Variants in METTL4 observed in about 807,000 individuals in gnomAD.
The protein encoded by METTL4 is N(6)-adenine-specific methyltransferase METTL4.
A neutral mutation model predicts 54.0 loss-of-function variants in METTL4; 40 were observed. That is an observed-to-expected ratio of 0.74 (90% CI 0.58 to 0.96). METTL4 has a LOEUF of 0.96. METTL4 is among the 50% of genes least tolerant of loss of function. The pLI, the probability that METTL4 is intolerant of heterozygous loss-of-function variation, is 0.00. For synonymous variants in METTL4, 169 were observed against 183.8 expected, an observed-to-expected ratio of 0.92 and a Z score of 0.65; for missense variants, 525 against 549.0, an observed-to-expected ratio of 0.96 and a Z score of 0.44.
At chr18:2,557,605 C>T (rs548218912) in intron 3 of METTL4, among the ~76,000 whole-genome samples, 1 of 152,280 alleles carries the variant, frequency 6.6e-6, no homozygotes, top group Non-Finnish European at 1.5e-5. Context: ...GTTTGCAACC[C>T]ACTTAAAAGA....
chr18:2,543,146 C>T (rs1197313853), intron 8 of METTL4, among the ~76,000 whole-genome samples: 1 of 151,598 alleles, frequency 6.6e-6, no homozygotes, highest in Non-Finnish European at 1.5e-5. Context: ...AAAAAGGACC[C>T]TTCTCCATAA....
chr18:2,545,479 C>T (rs982679890), intron 6 of METTL4, among the ~76,000 whole-genome samples: 1 of 152,074 alleles, frequency 6.6e-6, no homozygotes, highest in Non-Finnish European at 1.5e-5. Flanking sequence ...AATACCTAGT[C>T]CAGAGACTGG....
rs778111954 is a variant in METTL4 at position 2,567,141 on chromosome 18, G to A, written c.76C>T (p.Leu26Phe). The change falls in exon 2 of 9, where the codon CTT becomes TTT. Residue 26 changes from leucine to phenylalanine, a missense_variant. Physicochemically the swap from Leu to Phe is conservative, Grantham distance 22. Coordinates refer to ENST00000574538, the MANE Select transcript of METTL4 (RefSeq NM_022840.5). Reference sequence around the variant, plus strand: ...CAACAAGGTTCATGATGCTGGTGAAGTTGATAGTTTATCTTGTTGATAAAA... The same window carrying A: ...CAACAAGGTTCATGATGCTGGTGAAATTGATAGTTTATCTTGTTGATAAAA... ...LSFINKINYQ[L>F]HQHHEPCCRK... The A allele has an allele frequency of 1.9e-6, 3 of 1,614,066 alleles. No individual in the cohort carries two copies. The Admixed American group carries it at 5.0e-5, about 27-fold the overall frequency.
At chr18:2,564,632 C>A (rs1216676265) in intron 2 of METTL4, among the ~76,000 whole-genome samples, 2 of 152,164 alleles carry the variant, frequency 1.3e-5, no homozygotes, top group African/African-American at 4.8e-5. Flanking sequence ...ATGGCTGAAA[C>A]TCCAGTGCTT....
intron 4 of METTL4, 67 bp downstream of exon 4, chr18:2,554,602 T>C: frequency 1.4e-6 from 2 of 1,438,540 alleles, no homozygotes; most frequent in Non-Finnish European, 1.9e-6. Context: ...AATTTCAGAC[T>C]AGCTCTTAAC....
chr18:2,555,093 G>C, intron 3 of METTL4, 55 bp from the exon 4 acceptor site: 1 of 1,519,860 alleles, frequency 6.6e-7, no homozygotes, highest in Non-Finnish European at 9.0e-7. Context: ...AAAGAACATT[G>C]ACTGTGCTTT....
chr18:2,556,664 A>G (rs1189983870), intron 3 of METTL4, among the ~76,000 whole-genome samples: 1 of 152,174 alleles, frequency 6.6e-6, no homozygotes, highest in Non-Finnish European at 1.5e-5. Flanking sequence ...TAAGGTATTT[A>G]TACTATATTC....
Position 2,567,535 on chromosome 18 carries a change from A to G in METTL4, c.-319T>C, listed in dbSNP as rs948171099. The G allele has an allele frequency of 1.6e-5, 3 of 185,006 alleles. No individual in the cohort carries two copies. The highest frequency in any genetic ancestry group is 3.4e-5 in the Non-Finnish European group (3 of 89,338). 11.5% of individuals were successfully genotyped at this position (185,006 alleles called of 1,614,324 possible). On this transcript the variant is annotated 5_prime_UTR_variant, in exon 2 of 9. Coordinates refer to ENST00000574538, the MANE Select transcript of METTL4 (RefSeq NM_022840.5). ...ACCTGATCTTATGTCTGGAATCCCA[A>G]TGTGATCCTCCTGTCTTCCTGGGCC...
intron 8 of METTL4, chr18:2,539,976 A>T (rs1293909518): frequency 4.1e-6 from 4 of 977,206 alleles, no homozygotes; most frequent in Non-Finnish European, 4.9e-6. Context: ...TAGCCCCCTT[A>T]GCAGTAAATT....
rs1014368781 is a variant in METTL4 at position 2,571,495 on chromosome 18, C to G, written c.-785G>C. 4 of 152,236 alleles carry G rather than the reference C, an allele frequency of 2.6e-5. No homozygotes were observed. The highest frequency in any genetic ancestry group is 4.4e-5 in the Non-Finnish European group (3 of 68,048). The allele number at this position is 152,236 out of a possible 1,614,324, so 9.4% of individuals were successfully genotyped here. A position where few individuals can be genotyped will look rare whatever the true frequency, so the allele number is the denominator to read the frequency against. The stretch of plus-strand genomic sequence containing the variant: ...AGCACGCAGCCTTCCAGCGACGAGG[C>G]GGTCGCATGGAAGTTACTGCGCGCG... On this transcript the variant is annotated 5_prime_UTR_variant, in exon 1 of 9. Coordinates refer to ENST00000574538, the MANE Select transcript of METTL4 (RefSeq NM_022840.5).
At chr18:2,549,748 G>A (rs955263340) in intron 5 of METTL4, among the ~76,000 whole-genome samples, 5 of 147,980 alleles carry the variant, frequency 3.4e-5, no homozygotes, top group East Asian at 2.0e-4. Flanking sequence ...TTGGGAGGCC[G>A]AGGCAAGTGT....
chr18:2,551,696 A>G (rs1009106752), intron 5 of METTL4, among the ~76,000 whole-genome samples: 4 of 152,030 alleles, frequency 2.6e-5, no homozygotes, highest in African/African-American at 9.7e-5. Context: ...ACCCTATCTC[A>G]AAATAAAAAA....
intron 3 of METTL4, among the ~76,000 whole-genome samples, chr18:2,556,984 G>C (rs1330010564): frequency 6.6e-6 from 1 of 152,166 alleles, no homozygotes; most frequent in Non-Finnish European, 1.5e-5. Flanking sequence ...ACAGTAGCAA[G>C]AGCTTTTAAA....
Position 2,538,305 on chromosome 18 carries a change from A to G in METTL4, c.*695T>C. On this transcript the variant is annotated 3_prime_UTR_variant, in exon 9 of 9. Transcript: ENST00000574538. ...TGGAAAGTGACCTTGAATGCAATTT[A>G]AAACCCTACAAAAATGCTGTATAAA... The G allele has an allele frequency of 5.7e-6, 1 of 174,682 alleles. No individual in the cohort carries two copies. Among genetic ancestry groups the G allele is most frequent in the East Asian group, 1.5e-4 (1 of 6,710 alleles). The allele number at this position is 174,682 out of a possible 1,614,324, so 10.8% of individuals were successfully genotyped here.
chr18:2,559,289 A>C (rs1281277859), intron 3 of METTL4, among the ~76,000 whole-genome samples: 1 of 152,240 alleles, frequency 6.6e-6, no homozygotes, highest in Non-Finnish European at 1.5e-5. Flanking sequence ...CTTAAAAAGG[A>C]AAGAAATTCT....
At chr18:2,547,988 TC>T (rs1414826891) in intron 5 of METTL4, among the ~76,000 whole-genome samples, 10 of 152,270 alleles carry the variant, frequency 6.6e-5, no homozygotes, top group Non-Finnish European at 1.3e-4. Context: ...GCCAATCTAT[TC>T]CAATGAAGCT....
intron 5 of METTL4, among the ~76,000 whole-genome samples, chr18:2,552,202 A>G (rs1002178364): frequency 2.6e-5 from 4 of 152,086 alleles, no homozygotes; most frequent in African/African-American, 9.7e-5. Flanking sequence ...AAAATAAAAT[A>G]AAATAAAATA....
Position 2,547,504 on chromosome 18 carries a change from T to G in METTL4, c.925A>C (p.Ile309Leu). 6.3e-7 allele frequency: 1 copy of G among 1,589,542 alleles called. No homozygotes were observed. Among genetic ancestry groups the G allele is most frequent in the East Asian group, 2.2e-5 (1 of 44,606 alleles). The change falls in exon 6 of 9, where the codon ATA becomes CTA. Residue 309 changes from isoleucine (I) to leucine (L), a missense_variant. Transcript: ENST00000574538. ...NRYSYLSPLQ[I>L]QQIPIPKLAA... ...AATTTAGGGATAGGTATTTGCTGTA[T>G]TTGCAGGGGTGACAAATAACTGTAC...
rs996254119 is a variant in METTL4 at position 2,538,004 on chromosome 18, T to C, written c.*996A>G. The stretch of plus-strand genomic sequence containing the variant: ...TCACTGTGGCAGACAGACAACTGTA[T>C]ATATGTTTTCAAAATTCACTGAATT... On this transcript the variant is annotated 3_prime_UTR_variant, in exon 9 of 9. Transcript: ENST00000574538. The C allele has an allele frequency of 7.5e-6, 3 of 398,348 alleles. No homozygotes were observed. The highest frequency in any genetic ancestry group is 2.1e-5 in the African/African-American group (1 of 48,644). 24.7% of individuals were successfully genotyped at this position (398,348 alleles called of 1,614,324 possible).
Sources: gnomAD v4.1 joint callset for allele counts (sites outside exome capture counted in the v4.1 genomes callset) on GRCh38, gnomAD v4.1.1 for gene constraint, MANE v1.5 for transcripts, NCBI Gene and HGNC (gene_info 2026-07-23, HGNC 2026-07-21) for gene names.